The following RIN2 variants were observed in gnomAD, a reference collection of about 807,000 sequenced individuals.
RIN2 encodes Ras and Rab interactor 2.
Under a neutral mutation model 78.0 loss-of-function variants are expected in RIN2, and 36 were observed. The ratio of observed to expected loss-of-function variants is 0.46; its 90% CI spans 0.35 to 0.61. The LOEUF (loss-of-function observed/expected upper bound fraction) is 0.61. Among genes scored for constraint, RIN2 ranks in the 20% least tolerant of loss-of-function variants. RIN2 has a pLI of 0.00. For missense variants in RIN2, 1,087 were observed against 1,159.7 expected (o/e 0.94, Z 0.91); for synonymous variants, 466 against 466.8 (o/e 1.00, Z 0.02).
At chr20:19,982,172 G>A (rs943277110) in intron 9 of RIN2, among the ~76,000 whole-genome samples, 2 of 152,132 alleles carry the variant, frequency 1.3e-5, no homozygotes, top group African/African-American at 4.8e-5. Flanking sequence ...GCGTGCTTAC[G>A]AGGTGTCAGA....
intron 2 of RIN2, among the ~76,000 whole-genome samples, chr20:19,833,645 C>G (rs924879845): frequency 6.6e-6 from 1 of 152,214 alleles, no homozygotes. Context: ...GAAGGTATCT[C>G]TATATGAGTA....
chr20:19,930,427 G>C (rs186518536), intron 3 of RIN2, among the ~76,000 whole-genome samples: 2 of 152,168 alleles, frequency 1.3e-5, no homozygotes, highest in African/African-American at 4.8e-5. Flanking sequence ...CGGCAAGAGC[G>C]GTACCCAGAC....
intron 1 of RIN2, among the ~76,000 whole-genome samples, chr20:19,770,638 C>T (rs574498521): frequency 6.8e-6 from 1 of 147,566 alleles, no homozygotes; most frequent in South Asian, 2.1e-4. Context: ...CTCTGTCCCT[C>T]TTCCACCTCC....
Position 19,800,754 on chromosome 20 carries a change from G to A in RIN2, c.-37+1007G>A, listed in dbSNP as rs542771708. 1.3e-4 allele frequency among the ~76,000 whole-genome samples: 20 copies of A among 152,310 alleles called. No individual in the cohort carries two copies. The South Asian group carries it at 2.5e-3, about 19-fold the overall frequency. ...ATCCCTGCTCCTATAGCAGATTCAT[G>A]AGCAAAATAAACATTGTTGTTTTCA... On this transcript the variant is annotated intron_variant, in intron 2 of 12. Transcript: ENST00000255006.
chr20:19,880,007 G>T (rs1203335382), intron 2 of RIN2, among the ~76,000 whole-genome samples: 6 of 152,120 alleles, frequency 3.9e-5, no homozygotes, highest in Non-Finnish European at 5.9e-5. Context: ...CCAGCACTTT[G>T]GGAGGCCAAG....
intron 3 of RIN2, among the ~76,000 whole-genome samples, chr20:19,902,950 G>A (rs1050158650): frequency 8.5e-5 from 13 of 152,084 alleles, no homozygotes; most frequent in African/African-American, 2.4e-4. Flanking sequence ...CAAATTAGCC[G>A]GGCATGGTGG....
chr20:19,927,088 T>G (rs1055931124), intron 3 of RIN2, among the ~76,000 whole-genome samples: 1 of 149,406 alleles, frequency 6.7e-6, no homozygotes, highest in Non-Finnish European at 1.5e-5. Flanking sequence ...CAGGAGGAGA[T>G]TGGACTCCGC....
At chr20:19,850,994 GAA>G (rs2036942388) in intron 2 of RIN2, among the ~76,000 whole-genome samples, 2 of 6,788 alleles carry the variant, frequency 2.9e-4, no homozygotes, top group Non-Finnish European at 1.3e-3. Context: ...GGGAGAAAAG[GAA>G]GGAAGGAAGG....
chr20:19,832,893 G>A (rs1032821991), intron 2 of RIN2, among the ~76,000 whole-genome samples: 1 of 151,980 alleles, frequency 6.6e-6, no homozygotes, highest in Non-Finnish European at 1.5e-5. Flanking sequence ...CCTCCTAAGG[G>A]CCCCACCTCT....
Position 19,975,164 on chromosome 20 carries a change from G to A in RIN2, c.1139G>A (p.Gly380Asp), listed in dbSNP as rs1327687706. 7 of 1,611,484 alleles carry A rather than the reference G, an allele frequency of 4.3e-6. No homozygotes were observed. The African/African-American group carries it at 9.3e-5, about 22-fold the overall frequency. Residue 380 changes from glycine (G) to aspartate (D), a missense_variant, in exon 9 of 13, where the codon GGC becomes GAC. Around this residue, in one of 8 missense-constraint regions of RIN2, gnomAD observed 706 missense variants for 667.5 expected, o/e 1.06. Transcript: ENST00000255006. This position sits in a 1 kb window ranked among gnomAD's most constrained non-coding sequence, Gnocchi z 4.9. ...AEGGAKTLSG[G>D]RPGAGPELEL... ...GGCGGTGCAAAGACCTTGAGCGGCGGCCGGCCGGGCGCAGGCCCGGAGCTG... is the reference window on the plus strand; with the variant it reads ...GGCGGTGCAAAGACCTTGAGCGGCGACCGGCCGGGCGCAGGCCCGGAGCTG...
At chr20:19,878,581 T>C (rs1449658036) in intron 2 of RIN2, among the ~76,000 whole-genome samples, 2 of 152,110 alleles carry the variant, frequency 1.3e-5, no homozygotes, top group Non-Finnish European at 2.9e-5. Flanking sequence ...AGTTAACAGT[T>C]TGTTCTCTTG....
intron 1 of RIN2, among the ~76,000 whole-genome samples, chr20:19,792,227 CCTGT>C (rs1297242410): frequency 6.6e-6 from 1 of 152,202 alleles, no homozygotes; most frequent in African/African-American, 2.4e-5. Context: ...TTAGGGTCTA[CCTGT>C]CTGTAATGGT....
At chr20:19,872,945 AT>A (rs1173122608) in intron 2 of RIN2, among the ~76,000 whole-genome samples, 2 of 152,146 alleles carry the variant, frequency 1.3e-5, no homozygotes, top group Non-Finnish European at 2.9e-5. Context: ...CTCTACATAT[AT>A]TTAATAAATA....
chr20:19,791,339 G>T (rs1438138682), intron 1 of RIN2, among the ~76,000 whole-genome samples: 4 of 152,202 alleles, frequency 2.6e-5, no homozygotes, highest in Non-Finnish European at 5.9e-5. Context: ...TTCTGTGGAT[G>T]TTATTTAATT....
In RIN2 at chr20:19,974,710, C is replaced by T. The variant is rs1357960211; in HGVS notation, c.685C>T (p.Pro229Ser). 1.2e-6 allele frequency: 2 copies of T among 1,614,042 alleles called. No homozygotes were observed. The highest frequency in any genetic ancestry group is 1.7e-6 in the Non-Finnish European group (2 of 1,179,886). ...CCCGAACCTTCCACCTCCCCATAGG[C>T]CTCTTTCCTCCGACGGTGTCTGTCC... ...KPPNLPPPHR[P>S]LSSDGVCPAS... Residue 229 changes from proline to serine, a missense_variant, in exon 9 of 13, where the codon CCT (proline) becomes TCT (serine). Around this residue, in one of 8 missense-constraint regions of RIN2, gnomAD observed 706 missense variants for 667.5 expected, o/e 1.06. Coordinates refer to ENST00000255006, the MANE Select transcript of RIN2 (RefSeq NM_018993.4).
intron 2 of RIN2, among the ~76,000 whole-genome samples, chr20:19,846,393 C>G (rs1234063323): frequency 2.0e-5 from 3 of 152,042 alleles, no homozygotes; most frequent in Admixed American, 6.6e-5. Flanking sequence ...TTGTGTCCCC[C>G]TCTTATTTCC....
chr20:19,812,677 C>A (rs1351114305), intron 2 of RIN2, among the ~76,000 whole-genome samples: 1 of 152,050 alleles, frequency 6.6e-6, no homozygotes, highest in South Asian at 2.1e-4. Context: ...ACTGCAGCAC[C>A]CCCCCATTCA....
intron 9 of RIN2, among the ~76,000 whole-genome samples, chr20:19,976,032 C>T (rs960829444): frequency 6.6e-6 from 1 of 152,090 alleles, no homozygotes; most frequent in Non-Finnish European, 1.5e-5. Context: ...GGAGTTTGGT[C>T]CTCTGTGGGT....
At chr20:19,905,931 T>G (rs1460011375) in intron 3 of RIN2, among the ~76,000 whole-genome samples, 2 of 152,254 alleles carry the variant, frequency 1.3e-5, no homozygotes, top group African/African-American at 4.8e-5. Flanking sequence ...ACTTAGGAAC[T>G]AACTGCATCC....
Sources: allele counts gnomAD v4.1 joint callset (sites outside exome capture counted in the v4.1 genomes callset), GRCh38; gene constraint gnomAD v4.1.1; regional missense constraint gnomAD v4.1.1; non-coding constraint Gnocchi (gnomAD v3.1); transcripts MANE v1.5; gene names NCBI Gene and HGNC (gene_info 2026-07-23, HGNC 2026-07-21).